The following PTPRM variants were observed in gnomAD, a reference collection of about 807,000 sequenced individuals.
PTPRM encodes the protein protein tyrosine phosphatase receptor type M, also known as receptor-type tyrosine-protein phosphatase mu.
PTPRM carries 47 observed loss-of-function variants against 186.7 expected under a neutral mutation model. The ratio of observed to expected loss-of-function variants is 0.25; its 90% confidence interval spans 0.20 to 0.32. The LOEUF (loss-of-function observed/expected upper bound fraction) is 0.32. Ranked by LOEUF, PTPRM falls within the 10% of genes least tolerant of loss-of-function variation. The pLI is 1.00. For missense variants in PTPRM, 1,494 were observed against 1,865.0 expected (o/e 0.80, Z 3.66); for synonymous variants, 668 against 674.9 (o/e 0.99, Z 0.16).
Position 7,567,593 on chromosome 18 carries a change from C to G in PTPRM, c.-226C>G, listed in dbSNP as rs970720156. The G allele has an allele frequency of 2.5e-6, 1 of 398,358 alleles. No homozygotes were observed. The highest frequency in any genetic ancestry group is 4.5e-5 in the Admixed American group (1 of 22,316). The allele number at this position is 398,358 out of a possible 1,614,324, so 24.7% of individuals were successfully genotyped here. A position where few individuals can be genotyped will look rare whatever the true frequency, so the allele number is the denominator to read the frequency against. On this transcript the variant is annotated 5_prime_UTR_variant, in exon 1 of 33. Transcript: ENST00000580170. The surrounding 1 kb of genome is among the most constrained non-coding windows in gnomAD (Gnocchi z 4.3). The stretch of plus-strand genomic sequence containing the variant: ...TCCCTCTGCCAGCGGCGCCAGACGC[C>G]GAGTGGGGCCAGGGACAGGGGAGGA...
intron 1 of PTPRM, among the ~76,000 whole-genome samples, chr18:7,710,483 G>T (rs1457612428): frequency 6.6e-6 from 1 of 152,060 alleles, no homozygotes; most frequent in Non-Finnish European, 1.5e-5. Flanking sequence ...CTGAGAACTG[G>T]CACAAGACAA....
At position 7,711,285 on chromosome 18, in the gene PTPRM, A is replaced by G. The variant is rs559672082; in HGVS notation, c.74-62864A>G. Reference sequence around the variant, plus strand: ...GCCATGAGGGACTGTGCCGTGAGGGACGGTGCACTCTGGCCCAGATACTAC... The same window carrying G: ...GCCATGAGGGACTGTGCCGTGAGGGGCGGTGCACTCTGGCCCAGATACTAC... On this transcript the variant is annotated intron_variant, in intron 1 of 32. Transcript: ENST00000580170. 2.0e-5 allele frequency among the ~76,000 whole-genome samples: 3 copies of G among 152,254 alleles called. No individual in the cohort carries two copies. The South Asian group carries it at 6.2e-4, about 32-fold the overall frequency.
At chr18:8,235,816 A>AT (rs59690997) in intron 14 of PTPRM, among the ~76,000 whole-genome samples, 60,575 of 151,686 alleles carry the variant, frequency 0.4, 12,462 homozygotes, top group Middle Eastern at 0.55. Context: ...TTCTCTTGAG[A>AT]TTTCTTTTTT....
intron 7 of PTPRM, among the ~76,000 whole-genome samples, chr18:7,978,465 T>C (rs2055105457): frequency 6.6e-6 from 1 of 152,226 alleles, no homozygotes; most frequent in East Asian, 1.9e-4. Flanking sequence ...CTAAATGGAC[T>C]CAATTTGACC....
At chr18:7,699,659 T>A (rs532109704) in intron 1 of PTPRM, among the ~76,000 whole-genome samples, 3 of 152,084 alleles carry the variant, frequency 2.0e-5, no homozygotes, top group Non-Finnish European at 4.4e-5. Flanking sequence ...ATCTGCCTGC[T>A]GGGATTACAA....
intron 1 of PTPRM, among the ~76,000 whole-genome samples, chr18:7,641,222 C>T (rs540613596): frequency 3.3e-5 from 5 of 152,040 alleles, no homozygotes; most frequent in South Asian, 2.1e-4. Context: ...GTCATCTCAG[C>T]GAGTAGATTT....
intron 14 of PTPRM, among the ~76,000 whole-genome samples, chr18:8,155,799 C>T (rs1354582531): frequency 6.6e-6 from 1 of 151,992 alleles, no homozygotes; most frequent in Admixed American, 6.5e-5. Context: ...GAGGTAGTTT[C>T]TTTCCACTGT....
intron 11 of PTPRM, among the ~76,000 whole-genome samples, chr18:8,111,600 G>A (rs1431687432): frequency 3.5e-5 from 5 of 143,024 alleles, no homozygotes; most frequent in Admixed American, 6.9e-5. Context: ...GTGACAGAGG[G>A]AGACTCCATC....
At chr18:8,098,842 A>C (rs774092135) in intron 11 of PTPRM, among the ~76,000 whole-genome samples, 1 of 151,898 alleles carries the variant, frequency 6.6e-6, no homozygotes, top group South Asian at 2.1e-4. Context: ...CAGGTCTCCA[A>C]TCCCCATTCA....
chr18:8,071,432 A>G (rs1327044800), intron 8 of PTPRM, among the ~76,000 whole-genome samples: 1 of 152,134 alleles, frequency 6.6e-6, no homozygotes, highest in Non-Finnish European at 1.5e-5. Flanking sequence ...TTGTGGTTCC[A>G]GCCTTTTTCT....
At chr18:7,629,272 T>G (rs563297712) in intron 1 of PTPRM, among the ~76,000 whole-genome samples, 2 of 152,300 alleles carry the variant, frequency 1.3e-5, no homozygotes, top group South Asian at 4.2e-4. Flanking sequence ...GATTGCCTAA[T>G]TAAATGCCGA....
chr18:7,581,048 A>G (rs1024772146), intron 1 of PTPRM, among the ~76,000 whole-genome samples: 11 of 152,134 alleles, frequency 7.2e-5, no homozygotes, highest in Non-Finnish European at 1.2e-4. Flanking sequence ...TAACCCATCA[A>G]CTTTCTTTTT....
intron 2 of PTPRM, among the ~76,000 whole-genome samples, chr18:7,861,331 A>G (rs2047370062): frequency 6.6e-6 from 1 of 152,110 alleles, no homozygotes; most frequent in Non-Finnish European, 1.5e-5. Context: ...CAGAATAATG[A>G]TTAAAATAAA....
At chr18:7,779,618 C>T (rs1022867818) in intron 2 of PTPRM, among the ~76,000 whole-genome samples, 1 of 152,164 alleles carries the variant, frequency 6.6e-6, no homozygotes, top group African/African-American at 2.4e-5. Flanking sequence ...GAAGACTTCC[C>T]TATTTATTCA....
intron 1 of PTPRM, among the ~76,000 whole-genome samples, chr18:7,643,444 A>G (rs2038491189): frequency 6.6e-6 from 1 of 152,082 alleles, no homozygotes; most frequent in Non-Finnish European, 1.5e-5. Context: ...GGTTCATGCC[A>G]TTCTTCTGTC....
At chr18:7,890,248 C>G (rs1191062773) in intron 3 of PTPRM, among the ~76,000 whole-genome samples, 1 of 152,158 alleles carries the variant, frequency 6.6e-6, no homozygotes, top group African/African-American at 2.4e-5. Context: ...CATCTAAGAT[C>G]ATTTTTCATG....
At chr18:7,638,483 A>G (rs2038370341) in intron 1 of PTPRM, among the ~76,000 whole-genome samples, 3 of 152,316 alleles carry the variant, frequency 2.0e-5, no homozygotes, top group East Asian at 3.9e-4. Context: ...TCTGTGACTT[A>G]TAATTTCTTA....
At chr18:8,062,993 G>A (rs1036230772) in intron 7 of PTPRM, among the ~76,000 whole-genome samples, 1 of 149,876 alleles carries the variant, frequency 6.7e-6, no homozygotes, top group East Asian at 2.0e-4. Flanking sequence ...CACCCAGTTC[G>A]AGCTTCCCGG....
intron 14 of PTPRM, among the ~76,000 whole-genome samples, chr18:8,166,185 G>A (rs1383810728): frequency 2.0e-5 from 3 of 152,190 alleles, no homozygotes; most frequent in East Asian, 1.9e-4. Flanking sequence ...CTTGCCTACT[G>A]TGTGGTTTCT....
Sources: allele counts gnomAD v4.1 joint callset (sites outside exome capture counted in the v4.1 genomes callset), GRCh38; gene constraint gnomAD v4.1.1; non-coding constraint Gnocchi (gnomAD v3.1); transcripts MANE v1.5; gene names NCBI Gene and HGNC (gene_info 2026-07-23, HGNC 2026-07-21).